Variants in MDGA2 observed in about 807,000 individuals in gnomAD.
MDGA2 encodes MAM domain-containing glycosylphosphatidylinositol anchor protein 2.
A neutral mutation model predicts 117.8 loss-of-function variants in MDGA2; 40 were observed. The ratio of observed to expected loss-of-function variants is 0.34; its 90% CI spans 0.26 to 0.44. The LOEUF is 0.44. Ranked by LOEUF, MDGA2 falls within the 20% of genes least tolerant of loss-of-function variation. The pLI is 1.00. For missense variants in MDGA2, 1,123 were observed against 1,250.6 expected (o/e 0.90, Z 1.54); for synonymous variants, 452 against 439.0 (o/e 1.03, Z -0.37).
chr14:47,207,239 G>A (rs558100412), intron 3 of MDGA2, among the ~76,000 whole-genome samples: 11 of 151,884 alleles, frequency 7.2e-5, no homozygotes, highest in Non-Finnish European at 1.6e-4. Context: ...GCAGGGAGGT[G>A]AGGTCGAAGG....
At chr14:47,146,754 T>A (rs1882959852) in intron 3 of MDGA2, among the ~76,000 whole-genome samples, 1 of 152,324 alleles carries the variant, frequency 6.6e-6, no homozygotes, top group South Asian at 2.1e-4. Context: ...CAGAATTTGA[T>A]GGTAAACAGT....
In MDGA2 at chr14:46,874,105, T is replaced by C; in HGVS notation, c.2533A>G (p.Arg845Gly). The change falls in exon 13 of 17, where the codon AGA becomes GGA. Residue 845 changes from arginine (R) to glycine (G), a missense_variant. By Grantham distance (125) the Arg-to-Gly change is moderately radical. This residue lies in a region of MDGA2 where 890 missense variants were observed against 1,050.3 expected (regional missense o/e 0.85). Transcript: ENST00000399232. ...GTATTAGGAGTATATTTTGTATTTC[T>C]TGTTGCTGTACTTTGCTTTGTCCAG... ...FDWTKQSTAT[R>G]NTKYTPNTGP... 1 of 1,561,378 alleles carries C rather than the reference T, an allele frequency of 6.4e-7. No individual in the cohort carries two copies. Among genetic ancestry groups the C allele is most frequent in the Non-Finnish European group, 8.7e-7 (1 of 1,155,690 alleles).
chr14:47,628,141 C>T (rs1243592736), intron 1 of MDGA2, among the ~76,000 whole-genome samples: 1 of 152,196 alleles, frequency 6.6e-6, no homozygotes, highest in Non-Finnish European at 1.5e-5. Context: ...GTCTCAAGTT[C>T]TCTTCTTCCC....
chr14:47,073,085 A>C (rs1890353605), intron 6 of MDGA2, among the ~76,000 whole-genome samples: 1 of 152,206 alleles, frequency 6.6e-6, no homozygotes, highest in Admixed American at 6.5e-5. Context: ...AGAAGATGAT[A>C]AAAATGTTGA....
At chr14:47,184,057 C>T (rs989589483) in intron 3 of MDGA2, among the ~76,000 whole-genome samples, 1 of 151,896 alleles carries the variant, frequency 6.6e-6, no homozygotes, top group African/African-American at 2.4e-5. Context: ...TCCTCTATTA[C>T]ACATTCACTA....
At chr14:47,268,647 T>A (rs2139695321) in intron 2 of MDGA2, among the ~76,000 whole-genome samples, 1 of 152,282 alleles carries the variant, frequency 6.6e-6, no homozygotes, top group South Asian at 2.1e-4. Flanking sequence ...TAGATGCAAT[T>A]CTGATCTCTT....
At chr14:46,975,637 G>C (rs1539219) in intron 8 of MDGA2, among the ~76,000 whole-genome samples, 86,002 of 151,964 alleles carry the variant, frequency 0.57, 25,124 homozygotes, top group Non-Finnish European at 0.62. Context: ...AGTACTTAGA[G>C]AAGTTAAACT....
intron 2 of MDGA2, among the ~76,000 whole-genome samples, chr14:47,298,704 A>T (rs1245269133): frequency 1.5e-3 from 94 of 61,916 alleles, no homozygotes; most frequent in Admixed American, 4.8e-3. Context: ...TTTTTTTTTG[A>T]GACAGAGTCT....
At chr14:47,111,099 C>A (rs1361909409) in intron 5 of MDGA2, among the ~76,000 whole-genome samples, 1 of 152,130 alleles carries the variant, frequency 6.6e-6, no homozygotes, top group Non-Finnish European at 1.5e-5. Context: ...ATGTCCTAGA[C>A]ATTCTCCAAA....
rs571543266 is a variant in MDGA2, at chr14:47,080,175, T to C, written c.1195+16679A>G. Among the ~76,000 whole-genome samples, 83 of 152,296 alleles carry C rather than the reference T, an allele frequency of 5.4e-4. No homozygotes were observed. In the South Asian group the frequency reaches 7.2e-3, roughly 13 times the overall value. ...ACATAATTCAGGCATTAGTGGGATA[T>C]AGTCCTGTCATTACAGACAGGGTAG... On this transcript the variant is annotated intron_variant, in intron 6 of 16. Coordinates refer to ENST00000399232, the MANE Select transcript of MDGA2 (RefSeq NM_001113498.3).
At chr14:47,416,671 G>A (rs1191558034) in intron 1 of MDGA2, among the ~76,000 whole-genome samples, 1 of 152,158 alleles carries the variant, frequency 6.6e-6, no homozygotes, top group African/African-American at 2.4e-5. Flanking sequence ...TCTAGGTGGA[G>A]GTAGGTACAC....
intron 2 of MDGA2, among the ~76,000 whole-genome samples, chr14:47,230,903 T>C (rs1331010135): frequency 1.3e-5 from 2 of 151,948 alleles, no homozygotes; most frequent in Admixed American, 1.3e-4. Flanking sequence ...CTACACACAT[T>C]TGAAATATTT....
chr14:47,018,160 C>T lies in MDGA2; in HGVS notation c.1819+16851G>A, dbSNP rs539101749. 1.7e-4 allele frequency among the ~76,000 whole-genome samples: 26 copies of T among 151,536 alleles called. No individual in the cohort carries two copies. In the South Asian group the frequency reaches 2.7e-3, roughly 16 times the overall value. On this transcript the variant is annotated intron_variant, in intron 8 of 16. Coordinates refer to ENST00000399232, the MANE Select transcript of MDGA2 (RefSeq NM_001113498.3). The stretch of plus-strand genomic sequence containing the variant: ...GGGTAATTGACTTTTTTTTTCCCCC[C>T]GTTCTTTTTTTTAAAGAAACGCCTT...
chr14:47,409,133 A>G (rs928807895), intron 1 of MDGA2, among the ~76,000 whole-genome samples: 1 of 152,206 alleles, frequency 6.6e-6, no homozygotes. Context: ...TGAAATGGGA[A>G]GACACTGGAA....
At chr14:47,667,562 C>T (rs1897998034) in intron 1 of MDGA2, among the ~76,000 whole-genome samples, 1 of 152,218 alleles carries the variant, frequency 6.6e-6, no homozygotes, top group Admixed American at 6.5e-5. Flanking sequence ...TGATGCACTA[C>T]AACAAAGTTC....
chr14:47,373,321 T>A (rs1320017411), intron 1 of MDGA2, among the ~76,000 whole-genome samples: 3 of 152,070 alleles, frequency 2.0e-5, no homozygotes, highest in Admixed American at 1.3e-4. Flanking sequence ...TCTGTGATCC[T>A]AGGTATATAT....
intron 2 of MDGA2, among the ~76,000 whole-genome samples, chr14:47,253,416 G>T (rs1392756373): frequency 6.6e-6 from 1 of 152,156 alleles, no homozygotes; most frequent in African/African-American, 2.4e-5. Flanking sequence ...CCAAATGAAA[G>T]AAATTGGCCA....
At chr14:47,223,665 G>A (rs559930947) in intron 2 of MDGA2, among the ~76,000 whole-genome samples, 29 of 152,214 alleles carry the variant, frequency 1.9e-4, no homozygotes, top group East Asian at 3.9e-4. Context: ...TGGATGTTTC[G>A]GACAACCCCT....
At chr14:47,478,271 T>C (rs1449226361) in intron 1 of MDGA2, among the ~76,000 whole-genome samples, 1 of 152,236 alleles carries the variant, frequency 6.6e-6, no homozygotes, top group Non-Finnish European at 1.5e-5. Context: ...CATGCAGACA[T>C]ATTGCATGTA....
Sources: gnomAD v4.1 joint callset for allele counts (sites outside exome capture counted in the v4.1 genomes callset) on GRCh38, gnomAD v4.1.1 for gene constraint, gnomAD v4.1.1 regional missense constraint, MANE v1.5 for transcripts, NCBI Gene and HGNC (gene_info 2026-07-23, HGNC 2026-07-21) for gene names.